The following ARHGAP39 variants were observed in gnomAD, a reference collection of about 807,000 sequenced individuals.
The protein encoded by ARHGAP39 is rho GTPase-activating protein 39.
A neutral mutation model predicts 106.9 loss-of-function variants in ARHGAP39; 44 were observed. That is an observed-to-expected ratio of 0.41 (90% CI 0.32 to 0.53). The LOEUF (loss-of-function observed/expected upper bound fraction) is 0.53. ARHGAP39 is among the 20% of genes least tolerant of loss of function. ARHGAP39 has a pLI of 0.21. For missense variants in ARHGAP39, 1,496 were observed against 1,577.3 expected, an observed-to-expected ratio of 0.95 and a Z score of 0.87; for synonymous variants, 768 against 693.2, an observed-to-expected ratio of 1.11 and a Z score of -1.69.
At chr8:144,595,779 G>A (rs888684080) in intron 2 of ARHGAP39, among the ~76,000 whole-genome samples, 1 of 152,122 alleles carries the variant, frequency 6.6e-6, no homozygotes, top group African/African-American at 2.4e-5. Context: ...GGTCCAGTGG[G>A]ACCACTCCCC....
At position 144,529,303 on chromosome 8, in the gene ARHGAP39, C is replaced by T. The variant is rs558804730; in HGVS notation, c.*1119G>A. The T allele has an allele frequency of 6.8e-5, 13 of 190,468 alleles. No homozygotes were observed. The Admixed American group carries it at 7.4e-4, about 11-fold the overall frequency. 11.8% of individuals were successfully genotyped at this position (190,468 alleles called of 1,614,324 possible). A position where few individuals can be genotyped will look rare whatever the true frequency, so the allele number is the denominator to read the frequency against. ...CACCCGACTGAGGACGCCGCCCAGG[C>T]CTCGGCAGGGCTGGGGCTTTTGTTT... On this transcript the variant is annotated 3_prime_UTR_variant, in exon 12 of 12. Coordinates refer to ENST00000377307, the MANE Select transcript of ARHGAP39 (RefSeq NM_025251.3).
intron 6 of ARHGAP39, among the ~76,000 whole-genome samples, chr8:144,541,801 G>A (rs1326951624): frequency 2.0e-5 from 3 of 152,136 alleles, no homozygotes; most frequent in East Asian, 3.8e-4. Context: ...TTAGTTATAA[G>A]AGCTGCTGTG....
chr8:144,694,640 T>C, the ARHGAP39 span, among the ~76,000 whole-genome samples: 2 of 152,266 alleles, frequency 1.3e-5, no homozygotes, highest in South Asian at 2.1e-4. Flanking sequence ...CTTTGTGTTA[T>C]GCACCTGCTC....
rs549122010 is a variant in ARHGAP39 at position 144,601,433 on chromosome 8, C to T, written c.80+4102G>A. ...GCGTGCATGGAGGCGTGCGTGCGTG[C>T]GAGCTCGTGTACCTGTGTGCATGTG... On this transcript the variant is annotated intron_variant, in intron 2 of 11. Transcript: ENST00000377307. Among the ~76,000 whole-genome samples the T allele has an allele frequency of 8.9e-4, 110 of 123,780 alleles. 1 individual carries two copies. The highest frequency in any genetic ancestry group is 8.5e-3 in the Middle Eastern group (1 of 118). 81.2% of individuals were successfully genotyped at this position (123,780 alleles called of 152,430 possible).
chr8:144,694,008 C>A, the ARHGAP39 span, among the ~76,000 whole-genome samples: 1 of 151,866 alleles, frequency 6.6e-6, no homozygotes, highest in Non-Finnish European at 1.5e-5. Context: ...ATAGCGAGGG[C>A]AAAGGAGAAA....
At chr8:144,532,191 A>G (rs900095640) in intron 10 of ARHGAP39, 114 bp downstream of exon 10, 14 of 839,824 alleles carry the variant, frequency 1.7e-5, no homozygotes, top group Non-Finnish European at 2.3e-5. Flanking sequence ...GTGACTGGGA[A>G]GCCATCACAT....
chr8:144,601,228 T>A, intron 2 of ARHGAP39, among the ~76,000 whole-genome samples: 1 of 126,242 alleles, frequency 7.9e-6, no homozygotes, highest in South Asian at 2.6e-4. Context: ...GTGTGCAAGC[T>A]CATGTACCTG....
chr8:144,552,681 T>C (rs1247024858), intron 4 of ARHGAP39, among the ~76,000 whole-genome samples: 1 of 152,152 alleles, frequency 6.6e-6, no homozygotes, highest in Non-Finnish European at 1.5e-5. Flanking sequence ...TGAGATTTTT[T>C]TTTCTATCTC....
intron 3 of ARHGAP39, among the ~76,000 whole-genome samples, chr8:144,567,739 G>A (rs185400863): frequency 6.7e-4 from 102 of 152,316 alleles, no homozygotes; most frequent in African/African-American, 2.3e-3. Context: ...AATGGCGTAA[G>A]TTGTTTCTCT....
At chr8:144,552,414 A>G (rs1007801637) in intron 4 of ARHGAP39, among the ~76,000 whole-genome samples, 2 of 152,246 alleles carry the variant, frequency 1.3e-5, no homozygotes, top group African/African-American at 4.8e-5. Context: ...CTCCCAACCC[A>G]ATGCCGCAGG....
chr8:144,606,188 A>G (rs1820285855), intron 1 of ARHGAP39, among the ~76,000 whole-genome samples: 1 of 152,256 alleles, frequency 6.6e-6, no homozygotes, highest in Non-Finnish European at 1.5e-5. Context: ...AAGGGCGCTC[A>G]GGAGCAATCC....
intron 6 of ARHGAP39, among the ~76,000 whole-genome samples, chr8:144,544,485 TGTGTGTGTGTGTGCGC>T (rs1351895807): frequency 6.6e-6 from 1 of 151,954 alleles, no homozygotes; most frequent in East Asian, 1.9e-4. Flanking sequence ...CGTGCGTGCA[TGTGTGTGTGTGTGCGC>T]GTGCATTTCT....
intron 2 of ARHGAP39, 126 bp downstream of exon 2, chr8:144,605,409 G>T (rs916304558): frequency 9.7e-7 from 1 of 1,031,190 alleles, no homozygotes; most frequent in Admixed American, 2.1e-5. Flanking sequence ...CAGGCCTTGG[G>T]AACAGCCAGC....
intron 1 of ARHGAP39, among the ~76,000 whole-genome samples, chr8:144,669,528 GAT>G (rs1822048669): frequency 9.5e-6 from 1 of 105,212 alleles, no homozygotes; most frequent in African/African-American, 4.1e-5. Flanking sequence ...AAAAAAAAAA[GAT>G]AAAAATTCCA....
At chr8:144,549,921 C>T (rs751835750) in intron 4 of ARHGAP39, among the ~76,000 whole-genome samples, 2 of 152,194 alleles carry the variant, frequency 1.3e-5, no homozygotes, top group South Asian at 2.1e-4. Flanking sequence ...TGCTTTTAAA[C>T]GCATTGTCTT....
At chr8:144,541,841 C>G (rs1485450087) in intron 6 of ARHGAP39, among the ~76,000 whole-genome samples, 1 of 152,196 alleles carries the variant, frequency 6.6e-6, no homozygotes. Flanking sequence ...CATTACAGTC[C>G]TGGCTCCCAG....
chr8:144,615,862 C>T (rs775584725), intron 1 of ARHGAP39, among the ~76,000 whole-genome samples: 17 of 152,256 alleles, frequency 1.1e-4, no homozygotes, highest in African/African-American at 2.4e-4. Context: ...CAGGCACGTC[C>T]GGCATTTGCC....
intron 3 of ARHGAP39, among the ~76,000 whole-genome samples, chr8:144,564,508 C>T (rs559960344): frequency 8.5e-4 from 130 of 152,270 alleles, no homozygotes; most frequent in African/African-American, 2.9e-3. Context: ...ACCAGTTGAA[C>T]CTAACCCCAA....
chr8:144,601,030 G>C (rs1224535652), intron 2 of ARHGAP39, among the ~76,000 whole-genome samples: 1 of 144,006 alleles, frequency 6.9e-6, no homozygotes, highest in Non-Finnish European at 1.5e-5. Flanking sequence ...GCGTGTGCTC[G>C]TGTACCTGTG....
Sources: gnomAD v4.1 joint callset for allele counts (sites outside exome capture counted in the v4.1 genomes callset) on GRCh38, gnomAD v4.1.1 for gene constraint, MANE v1.5 for transcripts, NCBI Gene and HGNC (gene_info 2026-07-23, HGNC 2026-07-21) for gene names.